Variants in CERS6 observed in about 807,000 individuals in gnomAD.
CERS6 encodes the protein ceramide synthase 6, also known as LAG1 homolog, ceramide synthase 6.
Under a neutral mutation model 56.8 loss-of-function variants are expected in CERS6, and 26 were observed. The ratio of observed to expected loss-of-function variants is 0.46; its 90% CI spans 0.34 to 0.63. The LOEUF is 0.63. CERS6 is among the 30% of genes least tolerant of loss of function. The probability of loss-of-function intolerance (pLI) is 0.01; values close to 1 mark genes in which losing one functional copy is unlikely to be tolerated. For missense variants in CERS6, 415 were observed against 467.5 expected (o/e 0.89, Z 1.04); for synonymous variants, 164 against 173.3 (o/e 0.95, Z 0.42).
intron 1 of CERS6, among the ~76,000 whole-genome samples, chr2:168,528,388 C>G (rs1434241470): frequency 6.6e-6 from 1 of 152,224 alleles, no homozygotes; most frequent in Non-Finnish European, 1.5e-5. Flanking sequence ...TACTCTTCCT[C>G]CCAGCCCTAG....
chr2:168,580,740 C>A (rs1377874773), intron 3 of CERS6, among the ~76,000 whole-genome samples: 1 of 152,068 alleles, frequency 6.6e-6, no homozygotes, highest in African/African-American at 2.4e-5. Context: ...TTTATTTCTT[C>A]CTCATTCTTG....
intron 8 of CERS6, among the ~76,000 whole-genome samples, chr2:168,720,864 A>G (rs1178779843): frequency 6.6e-6 from 1 of 152,220 alleles, no homozygotes; most frequent in Non-Finnish European, 1.5e-5. Flanking sequence ...TTCAAAAAAT[A>G]TAAATGACAA....
intron 3 of CERS6, among the ~76,000 whole-genome samples, chr2:168,605,495 C>T (rs953861339): frequency 2.0e-5 from 3 of 152,210 alleles, no homozygotes; most frequent in Non-Finnish European, 2.9e-5. Flanking sequence ...GGGAGGGATT[C>T]AAGCAGGCTG....
chr2:168,493,228 C>T (rs1347576207), intron 1 of CERS6, among the ~76,000 whole-genome samples: 1 of 152,014 alleles, frequency 6.6e-6, no homozygotes, highest in African/African-American at 2.4e-5. Context: ...TCAGATCAGC[C>T]CCAGTAGCTT....
intron 4 of CERS6, among the ~76,000 whole-genome samples, chr2:168,675,313 A>G (rs1450114483): frequency 1.3e-5 from 2 of 151,956 alleles, no homozygotes; most frequent in Non-Finnish European, 2.9e-5. Flanking sequence ...GGCCGGGCAT[A>G]GTGACTCATG....
intron 8 of CERS6, among the ~76,000 whole-genome samples, chr2:168,759,716 C>A (rs1684514067): frequency 6.6e-6 from 1 of 152,024 alleles, no homozygotes; most frequent in Admixed American, 6.5e-5. Flanking sequence ...TTATACAGTT[C>A]TTTATTATGT....
intron 3 of CERS6, among the ~76,000 whole-genome samples, chr2:168,615,157 A>G (rs1307016928): frequency 2.0e-5 from 3 of 152,184 alleles, no homozygotes; most frequent in Non-Finnish European, 4.4e-5. Context: ...CCACATCCCT[A>G]GGAAAAGAGG....
chr2:168,479,755 T>A (rs1025243394), intron 1 of CERS6, among the ~76,000 whole-genome samples: 1 of 152,112 alleles, frequency 6.6e-6, no homozygotes. Context: ...ATTACAGGCA[T>A]GTGCCACCAC....
chr2:168,563,251 A>G (rs1214095089), intron 3 of CERS6, among the ~76,000 whole-genome samples: 1 of 152,222 alleles, frequency 6.6e-6, no homozygotes, highest in African/African-American at 2.4e-5. Flanking sequence ...ACATTAGAGC[A>G]GTGTCTATCT....
intron 3 of CERS6, among the ~76,000 whole-genome samples, chr2:168,617,545 G>T (rs1323937944): frequency 6.6e-6 from 1 of 152,044 alleles, no homozygotes; most frequent in Non-Finnish European, 1.5e-5. Context: ...AATGAAACAG[G>T]AGGTATTACA....
chr2:168,643,842 G>A (rs1034994668), intron 4 of CERS6, among the ~76,000 whole-genome samples: 3 of 152,032 alleles, frequency 2.0e-5, no homozygotes, highest in African/African-American at 4.8e-5. Context: ...TCTTCATCTC[G>A]AGGTCCAGAA....
chr2:168,485,212 A>G (rs528010958), intron 1 of CERS6, among the ~76,000 whole-genome samples: 177 of 151,756 alleles, frequency 1.2e-3, no homozygotes, highest in African/African-American at 4.0e-3. Context: ...TGTTTTAATC[A>G]GTTGTAGGTT....
At position 168,561,330 on chromosome 2, in the gene CERS6, G is replaced by C; in HGVS notation, c.407+8G>C. 6.2e-7 allele frequency: 1 copy of C among 1,613,892 alleles called. No individual in the cohort carries two copies. Among genetic ancestry groups the C allele is most frequent in the Non-Finnish European group, 8.5e-7 (1 of 1,179,898 alleles). ...GAGGTTCTGTGAGAGCATGTAAGTT[G>C]CTGTTTTTCTTTTTGAAAGAAAAGA... On this transcript the variant is annotated splice_region_variant and intron_variant, in intron 3 of 9. Transcript: ENST00000305747.
chr2:168,484,140 TTTTTTCTTTTTC>T (rs202174227), intron 1 of CERS6, among the ~76,000 whole-genome samples: 5 of 151,376 alleles, frequency 3.3e-5, no homozygotes, highest in South Asian at 2.1e-4. Context: ...TAGTACCTAT[TTTTTTCTTTTTC>T]TTTTTCTTTT....
At chr2:168,566,357 A>G (rs1324980806) in intron 3 of CERS6, among the ~76,000 whole-genome samples, 1 of 152,188 alleles carries the variant, frequency 6.6e-6, no homozygotes, top group Non-Finnish European at 1.5e-5. Flanking sequence ...TAGAATTGAT[A>G]CTGATTAAAA....
rs71397664 is a variant in CERS6, at chr2:168,774,590, A to AT, written c.*4934dup. ...GACAATTTTTTCTTTATCCACAGTA[A>AT]TTTTTTGACACTGTCATCATGAAAC... On this transcript the variant is annotated 3_prime_UTR_variant, in exon 10 of 10. Transcript: ENST00000305747. 3.3e-5 allele frequency: 5 copies of AT among 151,976 alleles called. No individual in the cohort carries two copies. In the East Asian group the frequency reaches 7.7e-4, roughly 23 times the overall value. The allele number at this position is 151,976 out of a possible 1,614,324, so 9.4% of individuals were successfully genotyped here. A position where few individuals can be genotyped will look rare whatever the true frequency, so the allele number is the denominator to read the frequency against.
At chr2:168,481,601 T>C (rs1409897772) in intron 1 of CERS6, among the ~76,000 whole-genome samples, 1 of 152,234 alleles carries the variant, frequency 6.6e-6, no homozygotes, top group Non-Finnish European at 1.5e-5. Flanking sequence ...TCCTGACCCG[T>C]CTTCATTAGC....
At chr2:168,738,978 C>T (rs990910392) in intron 8 of CERS6, among the ~76,000 whole-genome samples, 4 of 151,776 alleles carry the variant, frequency 2.6e-5, no homozygotes, top group South Asian at 2.1e-4. Context: ...CTCCACCTCC[C>T]GGCTTCAAGC....
intron 3 of CERS6, among the ~76,000 whole-genome samples, chr2:168,569,500 A>G (rs1338204775): frequency 6.6e-6 from 1 of 152,220 alleles, no homozygotes. Flanking sequence ...TAGCTTGGAC[A>G]TATTTGAAGA....
Sources: allele counts gnomAD v4.1 joint callset (sites outside exome capture counted in the v4.1 genomes callset), GRCh38; gene constraint gnomAD v4.1.1; transcripts MANE v1.5; gene names NCBI Gene and HGNC (gene_info 2026-07-23, HGNC 2026-07-21).